Variants in NFIB observed in about 807,000 individuals in gnomAD.
NFIB encodes nuclear factor 1 B-type.
In NFIB, 11 loss-of-function variants were observed where a neutral mutation model predicts 61.5. That is an observed-to-expected ratio of 0.18 (90% CI 0.11 to 0.30). The LOEUF (loss-of-function observed/expected upper bound fraction) is 0.30, where lower values mean the gene tolerates loss of function less well. Ranked by LOEUF, NFIB falls within the 10% of genes least tolerant of loss-of-function variation. The pLI is 1.00. For synonymous variants in NFIB, 260 were observed against 216.5 expected (o/e 1.20, Z -1.76); for missense variants, 471 against 608.9 (o/e 0.77, Z 2.38).
Position 14,101,911 on chromosome 9 carries a change from T to C in NFIB, c.1467+11088A>G, listed in dbSNP as rs1199704835. On this transcript the variant is annotated intron_variant, in intron 10 of 10. Transcript: ENST00000380953. ...TCCAACAATCTTCCTACTCCAAAAT[T>C]TATGGGTGCTGTCAATAACAGTTAA... Among the ~76,000 whole-genome samples, 8 of 152,310 alleles carry C rather than the reference T, an allele frequency of 5.3e-5. No homozygotes were observed. In the East Asian group the frequency reaches 1.2e-3, roughly 22 times the overall value.
At chr9:14,278,228 T>C (rs1360321285) in intron 2 of NFIB, among the ~76,000 whole-genome samples, 4 of 152,214 alleles carry the variant, frequency 2.6e-5, no homozygotes, top group African/African-American at 7.2e-5. Flanking sequence ...ACTTGCAGTA[T>C]TTGATATTTT....
chr9:14,347,169 C>T (rs1448247927), intron 1 of NFIB, among the ~76,000 whole-genome samples: 1 of 148,914 alleles, frequency 6.7e-6, no homozygotes, highest in Admixed American at 6.7e-5. Context: ...AAAAAAAAAT[C>T]TTAAAAAAGA....
At chr9:14,477,271 A>G in the NFIB span, among the ~76,000 whole-genome samples, 2 of 152,238 alleles carry the variant, frequency 1.3e-5, no homozygotes, top group Non-Finnish European at 2.9e-5. Flanking sequence ...ACATATGCCT[A>G]TGATTAAAAA....
At chr9:14,321,277 T>G (rs1371875490) in intron 1 of NFIB, among the ~76,000 whole-genome samples, 1 of 151,418 alleles carries the variant, frequency 6.6e-6, no homozygotes, top group Non-Finnish European at 1.5e-5. Flanking sequence ...ATAGCGGGGT[T>G]GGGGGGAAAC....
At chr9:14,504,997 G>A in the NFIB span, among the ~76,000 whole-genome samples, 2 of 152,214 alleles carry the variant, frequency 1.3e-5, no homozygotes, top group East Asian at 1.9e-4. Context: ...TTACCTTAAG[G>A]TATGTCCCTT....
chr9:14,500,220 G>C, the NFIB span, among the ~76,000 whole-genome samples: 1 of 152,156 alleles, frequency 6.6e-6, no homozygotes, highest in Non-Finnish European at 1.5e-5. Context: ...CAAGTCAGTA[G>C]GGCAGCGAGG....
upstream of NFIB, among the ~76,000 whole-genome samples, chr9:14,403,306 G>C (rs1314097155): frequency 6.6e-6 from 1 of 152,210 alleles, no homozygotes; most frequent in Non-Finnish European, 1.5e-5. Flanking sequence ...GGTTTTTGCA[G>C]GCAGCCTCAG....
chr9:14,488,680 T>G, the NFIB span, among the ~76,000 whole-genome samples: 6 of 152,192 alleles, frequency 3.9e-5, no homozygotes, highest in Non-Finnish European at 7.3e-5. Flanking sequence ...CTACGCAGCC[T>G]CAACCTTCCT....
Position 14,386,553 on chromosome 9 carries a change from G to C in NFIB, c.108+11971C>G, listed in dbSNP as rs183730922. Among the ~76,000 whole-genome samples the C allele has an allele frequency of 3.1e-3, 477 of 152,266 alleles. 1 individual carries two copies. Among genetic ancestry groups the C allele is most frequent in the Non-Finnish European group, 5.0e-3 (340 of 68,032 alleles). ...CATTATTTAAGAGATGCTCATAAAG[G>C]GGGGAGAAATATTTTTATCATGCAT... On this transcript the variant is annotated intron_variant, in intron 1 of 8. Transcript: ENST00000380934.
intron 2 of NFIB, among the ~76,000 whole-genome samples, chr9:14,192,560 G>C (rs1009737592): frequency 2.6e-5 from 4 of 152,168 alleles, no homozygotes; most frequent in Non-Finnish European, 5.9e-5. Flanking sequence ...AGGAGGCAAT[G>C]GTAGGAGTTT....
chr9:14,284,789 G>C (rs1456741205), intron 2 of NFIB, among the ~76,000 whole-genome samples: 2 of 152,164 alleles, frequency 1.3e-5, no homozygotes, highest in Non-Finnish European at 2.9e-5. Context: ...ATCTAGCATA[G>C]GGTGAGTGGG....
In NFIB at chr9:14,120,610, T is replaced by A. The variant is rs1281611369; in HGVS notation, c.1075A>T (p.Thr359Ser). Residue 359 changes from threonine (T) to serine (S), a missense_variant, in exon 8 of 11, where the codon ACT becomes TCT. Transcript: ENST00000380953. This position sits in a 1 kb window ranked among gnomAD's most constrained non-coding sequence, Gnocchi z 4.4. ...GGCAACGGTGAAGGTGGAGGTGGAG[T>A]TCGAGTTGAGATGACTGCAGAAGAC... is the stretch of plus-strand genomic sequence containing the variant. ...GVAHSVISTR[T>S]PPPPSPLPFP... The A allele has an allele frequency of 6.2e-7, 1 of 1,608,468 alleles. No homozygotes were observed. Among genetic ancestry groups the A allele is most frequent in the Non-Finnish European group, 8.5e-7 (1 of 1,177,558 alleles).
intron 8 of NFIB, among the ~76,000 whole-genome samples, chr9:14,119,103 A>G (rs2038580570): frequency 6.6e-6 from 1 of 152,064 alleles, no homozygotes; most frequent in Non-Finnish European, 1.5e-5. Flanking sequence ...TTTGTTATTC[A>G]TGGAAATTCT....
Position 14,120,804 on chromosome 9 carries a change from G to C in NFIB, c.1061-180C>G, listed in dbSNP as rs2307079. On this transcript the variant is annotated intron_variant, in intron 7 of 10. Coordinates refer to ENST00000380953, the MANE Select transcript of NFIB (RefSeq NM_001190737.2). This position sits in a 1 kb window ranked among gnomAD's most constrained non-coding sequence, Gnocchi z 4.4. Reference sequence around the variant, plus strand: ...TCATTTTTATTCTCAACACCAGTACGGCTAACTACACAGAGATAAAACATC... The same window carrying C: ...TCATTTTTATTCTCAACACCAGTACCGCTAACTACACAGAGATAAAACATC... 1.3e-5 allele frequency among the ~76,000 whole-genome samples: 2 copies of C among 151,886 alleles called. No homozygotes were observed. The highest frequency in any genetic ancestry group is 4.8e-5 in the African/African-American group (2 of 41,378).
intron 10 of NFIB, among the ~76,000 whole-genome samples, chr9:14,089,618 A>G (rs2033529912): frequency 6.6e-6 from 1 of 152,158 alleles, no homozygotes; most frequent in South Asian, 2.1e-4. Flanking sequence ...TTCAGTACTC[A>G]TATTAGTCAT....
chr9:14,494,959 C>G, the NFIB span, among the ~76,000 whole-genome samples: 10 of 152,218 alleles, frequency 6.6e-5, no homozygotes, highest in African/African-American at 2.2e-4. Context: ...TTTTCAAATT[C>G]TGGCTGTGGC....
intron 2 of NFIB, among the ~76,000 whole-genome samples, chr9:14,282,313 T>C (rs1344563359): frequency 6.6e-6 from 1 of 152,182 alleles, no homozygotes; most frequent in East Asian, 1.9e-4. Context: ...TAACAAGCAA[T>C]ATCAAGAGGG....
intron 3 of NFIB, among the ~76,000 whole-genome samples, chr9:14,157,296 C>A (rs946064162): frequency 7.9e-5 from 12 of 152,078 alleles, no homozygotes; most frequent in South Asian, 2.1e-4. Flanking sequence ...ACAAAAGGCA[C>A]CACACTGCTT....
intron 7 of NFIB, among the ~76,000 whole-genome samples, chr9:14,122,772 C>G (rs1250707439): frequency 6.6e-6 from 1 of 152,042 alleles, no homozygotes; most frequent in Non-Finnish European, 1.5e-5. Flanking sequence ...CTTAATAGTT[C>G]TGGAGGAGAT....
Sources: gnomAD v4.1 joint callset for allele counts (sites outside exome capture counted in the v4.1 genomes callset) on GRCh38, gnomAD v4.1.1 for gene constraint, Gnocchi (gnomAD v3.1) non-coding constraint, MANE v1.5 for transcripts, NCBI Gene and HGNC (gene_info 2026-07-23, HGNC 2026-07-21) for gene names.